The following R3HCC1L variants were observed in gnomAD, a reference collection of about 807,000 sequenced individuals.
R3HCC1L encodes R3H domain and coiled-coil containing 1 like.
R3HCC1L carries 51 observed loss-of-function variants against 59.9 expected under a neutral mutation model. The observed-to-expected ratio is 0.85, with a 90% CI of 0.68 to 1.07. The LOEUF is 1.07. Ranked by LOEUF, R3HCC1L falls within the 50% of genes least tolerant of loss-of-function variation. R3HCC1L has a pLI of 0.00. For missense variants in R3HCC1L, 965 were observed against 933.0 expected, an observed-to-expected ratio of 1.03 and a Z score of -0.45; for synonymous variants, 322 against 315.2, an observed-to-expected ratio of 1.02 and a Z score of -0.23.
intron 4 of R3HCC1L, among the ~76,000 whole-genome samples, chr10:98,171,776 T>G (rs886904526): frequency 6.6e-6 from 1 of 152,156 alleles, no homozygotes; most frequent in African/African-American, 2.4e-5. Flanking sequence ...GAAATAACTT[T>G]GACACAACAT....
chr10:98,218,575 G>T (rs1854488876), intron 5 of R3HCC1L, among the ~76,000 whole-genome samples: 1 of 152,180 alleles, frequency 6.6e-6, no homozygotes, highest in African/African-American at 2.4e-5. Context: ...TACTAATTTT[G>T]GGTTTGGTTT....
chr10:98,152,234 C>T (rs1299472646), intron 1 of R3HCC1L, among the ~76,000 whole-genome samples: 1 of 152,252 alleles, frequency 6.6e-6, no homozygotes, highest in African/African-American at 2.4e-5. Flanking sequence ...GGATTGCAGA[C>T]GGAGTCTTGT....
chr10:98,168,380 T>C (rs1848170037), intron 4 of R3HCC1L, among the ~76,000 whole-genome samples: 2 of 152,306 alleles, frequency 1.3e-5, no homozygotes, highest in South Asian at 4.2e-4. Flanking sequence ...TCCCAGCCTA[T>C]AAAGCGTGAA....
intron 1 of R3HCC1L, among the ~76,000 whole-genome samples, chr10:98,139,592 G>A (rs1201387568): frequency 6.6e-6 from 1 of 152,152 alleles, no homozygotes; most frequent in African/African-American, 2.4e-5. Flanking sequence ...ATGAAGCTTG[G>A]GGAACTCCTA....
chr10:98,170,778 A>T (rs535454251), intron 4 of R3HCC1L, among the ~76,000 whole-genome samples: 1 of 152,252 alleles, frequency 6.6e-6, no homozygotes, highest in East Asian at 1.9e-4. Flanking sequence ...TGAAGAGGAC[A>T]CATTGACCCT....
intron 1 of R3HCC1L, among the ~76,000 whole-genome samples, chr10:98,137,832 C>T (rs2133823094): frequency 6.6e-6 from 1 of 152,302 alleles, no homozygotes; most frequent in South Asian, 2.1e-4. Context: ...CTTTATGACT[C>T]AGATATTGAC....
At chr10:98,206,454 T>C (rs911614666) in intron 4 of R3HCC1L, among the ~76,000 whole-genome samples, 7 of 152,150 alleles carry the variant, frequency 4.6e-5, no homozygotes, top group African/African-American at 1.4e-4. Context: ...TTTTTGGTAT[T>C]TATTAGTTCT....
chr10:98,230,435 T>C (rs550811524), intron 5 of R3HCC1L, among the ~76,000 whole-genome samples: 1 of 152,130 alleles, frequency 6.6e-6, no homozygotes, highest in Non-Finnish European at 1.5e-5. Context: ...ATATCCCCTT[T>C]ATCATTTTTT....
chr10:98,137,708 A>G (rs577693058), intron 1 of R3HCC1L, among the ~76,000 whole-genome samples: 2 of 152,118 alleles, frequency 1.3e-5, no homozygotes, highest in African/African-American at 4.8e-5. Flanking sequence ...TTTTCTAGAG[A>G]TTCCAAATGT....
intron 6 of R3HCC1L, 29 bp downstream of exon 6, chr10:98,231,716 G>C (rs937887659): frequency 6.5e-7 from 1 of 1,543,814 alleles, no homozygotes; most frequent in East Asian, 2.3e-5. Context: ...GTGGATGTTA[G>C]GGAGGGTGAG....
At chr10:98,218,785 G>A (rs368439832) in intron 5 of R3HCC1L, among the ~76,000 whole-genome samples, 1 of 152,154 alleles carries the variant, frequency 6.6e-6, no homozygotes, top group Admixed American at 6.5e-5. Flanking sequence ...GAAGCCCCCA[G>A]CTATTATTGT....
chr10:98,217,852 TTA>T (rs1854396083), intron 5 of R3HCC1L, among the ~76,000 whole-genome samples: 1 of 152,138 alleles, frequency 6.6e-6, no homozygotes, highest in African/African-American at 2.4e-5. Context: ...AAATGCTGAG[TTA>T]TATTGGCTGA....
Position 98,208,803 on chromosome 10 carries a change from C to A in R3HCC1L, c.689C>A (p.Pro230His). 1 of 1,613,952 alleles carries A rather than the reference C, an allele frequency of 6.2e-7. No homozygotes were observed. ...FPRVFSSVMK[P>H]ENMIVPIKLS... ...AGAGTTTTTAGTTCTGTCATGAAACCTGAGAATATGATTGTACCAATAAAA... is the reference window on the plus strand; with the variant it reads ...AGAGTTTTTAGTTCTGTCATGAAACATGAGAATATGATTGTACCAATAAAA... Residue 230 changes from proline to histidine, a missense_variant, in exon 5 of 10, where the codon CCT becomes CAT. Transcript: ENST00000298999.
At chr10:98,184,624 G>A (rs1035500777) in intron 4 of R3HCC1L, among the ~76,000 whole-genome samples, 2 of 152,192 alleles carry the variant, frequency 1.3e-5, no homozygotes, top group African/African-American at 4.8e-5. Context: ...CATGACTGTA[G>A]TACATTGCTG....
Position 98,227,149 on chromosome 10 carries a change from A to T in R3HCC1L, c.1786-4363A>T, listed in dbSNP as rs373827108. On this transcript the variant is annotated intron_variant, in intron 5 of 9. Transcript: ENST00000298999. ...AATTCTTTTAAAGTGGGTTTACTTTACTGAATACTTATGTGCCAAGCAGTA... is the reference window on the plus strand; with the variant it reads ...AATTCTTTTAAAGTGGGTTTACTTTTCTGAATACTTATGTGCCAAGCAGTA... Among the ~76,000 whole-genome samples, 5 of 152,348 alleles carry T rather than the reference A, an allele frequency of 3.3e-5. No individual in the cohort carries two copies. In the South Asian group the frequency reaches 1.0e-3, roughly 32 times the overall value.
chr10:98,152,893 G>T (rs1463449970), intron 1 of R3HCC1L, among the ~76,000 whole-genome samples: 1 of 151,652 alleles, frequency 6.6e-6, no homozygotes, highest in Non-Finnish European at 1.5e-5. Context: ...CGTCCGGGAG[G>T]GAGGAGGGGG....
chr10:98,160,319 T>C (rs1847283185), intron 2 of R3HCC1L, among the ~76,000 whole-genome samples: 1 of 152,364 alleles, frequency 6.6e-6, no homozygotes, highest in African/African-American at 2.4e-5. Flanking sequence ...GTGTTACAAG[T>C]GTAAAATGTA....
intron 4 of R3HCC1L, among the ~76,000 whole-genome samples, chr10:98,192,790 A>G (rs569756103): frequency 3.9e-5 from 6 of 152,302 alleles, no homozygotes; most frequent in Admixed American, 3.9e-4. Flanking sequence ...GACTCATTTA[A>G]TGAGGTCAGT....
At chr10:98,138,092 T>A (rs1844769730) in intron 1 of R3HCC1L, among the ~76,000 whole-genome samples, 1 of 152,202 alleles carries the variant, frequency 6.6e-6, no homozygotes, top group Non-Finnish European at 1.5e-5. Flanking sequence ...AAATGGTTTG[T>A]TGGTCAAGGC....
Sources: allele counts gnomAD v4.1 joint callset (sites outside exome capture counted in the v4.1 genomes callset), GRCh38; gene constraint gnomAD v4.1.1; transcripts MANE v1.5; gene names NCBI Gene and HGNC (gene_info 2026-07-23, HGNC 2026-07-21).